MAGI2: variants seen among roughly 807,000 people sequenced by gnomAD.
MAGI2 encodes membrane-associated guanylate kinase, WW and PDZ domain-containing protein 2.
MAGI2 carries 35 observed loss-of-function variants against 133.3 expected under a neutral mutation model. The observed-to-expected ratio is 0.26, with a 90% CI of 0.20 to 0.35. MAGI2 has a LOEUF of 0.35. MAGI2 is among the 10% of genes least tolerant of loss of function. The pLI, the probability that MAGI2 is intolerant of heterozygous loss-of-function variation, is 1.00. For missense variants in MAGI2, 1,636 were observed against 1,863.4 expected (o/e 0.88, Z 2.25); for synonymous variants, 729 against 710.6 (o/e 1.03, Z -0.41).
intron 1 of MAGI2, among the ~76,000 whole-genome samples, chr7:79,423,304 T>A (rs1847108561): frequency 1.3e-5 from 2 of 152,062 alleles, no homozygotes; most frequent in African/African-American, 4.8e-5. Context: ...AACATCTCTG[T>A]TTTAGAGATA....
intron 3 of MAGI2, among the ~76,000 whole-genome samples, chr7:78,560,558 T>TA (rs1451980375): frequency 6.6e-6 from 1 of 152,226 alleles, no homozygotes; most frequent in African/African-American, 2.4e-5. Flanking sequence ...TTTTTAAAAT[T>TA]ATGTTTAAAA....
chr7:79,305,409 T>C (rs1837710163), intron 1 of MAGI2, among the ~76,000 whole-genome samples: 2 of 152,154 alleles, frequency 1.3e-5, no homozygotes, highest in African/African-American at 2.4e-5. Context: ...GTATAACACT[T>C]GAAGTGGTAT....
At chr7:78,500,165 C>T (rs945579587) in intron 5 of MAGI2, among the ~76,000 whole-genome samples, 2 of 152,116 alleles carry the variant, frequency 1.3e-5, no homozygotes, top group African/African-American at 4.8e-5. Context: ...GTCCCTTGGT[C>T]GCATGATTCA....
At chr7:79,245,792 A>G (rs966263103) in intron 1 of MAGI2, among the ~76,000 whole-genome samples, 7 of 152,198 alleles carry the variant, frequency 4.6e-5, no homozygotes, top group Admixed American at 3.9e-4. Context: ...AAACACAGCC[A>G]GTCAGCAATT....
intron 21 of MAGI2, among the ~76,000 whole-genome samples, chr7:78,040,765 C>T (rs954179824): frequency 6.6e-6 from 1 of 152,200 alleles, no homozygotes; most frequent in Admixed American, 6.5e-5. Context: ...ACATTTACAT[C>T]ATTCTCTATT....
At chr7:78,963,476 C>T (rs578099807) in intron 2 of MAGI2, among the ~76,000 whole-genome samples, 1 of 151,968 alleles carries the variant, frequency 6.6e-6, no homozygotes, top group African/African-American at 2.4e-5. Flanking sequence ...AAACATAGCA[C>T]CATTTCTTTC....
intron 21 of MAGI2, among the ~76,000 whole-genome samples, chr7:78,075,376 CTT>C (rs34396344): frequency 1.3e-4 from 17 of 126,456 alleles, no homozygotes; most frequent in Admixed American, 8.2e-5. Flanking sequence ...TGTAATAAAT[CTT>C]TTTTTTTTTT....
At chr7:79,125,307 A>G (rs1213552451) in intron 1 of MAGI2, 1 of 463,206 alleles carries the variant, frequency 2.2e-6, no homozygotes, top group Non-Finnish European at 4.2e-6. Context: ...TGCTTCATCT[A>G]GCCAGAGGTT....
At chr7:78,347,245 AGGAG>A (rs1791015962) in intron 7 of MAGI2, 2 of 152,368 alleles carry the variant, frequency 1.3e-5, no homozygotes, top group Non-Finnish European at 1.5e-5. Flanking sequence ...CAGAAAGGAA[AGGAG>A]ACAGAAGCAG....
At chr7:79,160,359 T>G (rs1824235064) in intron 1 of MAGI2, among the ~76,000 whole-genome samples, 1 of 152,006 alleles carries the variant, frequency 6.6e-6, no homozygotes, top group Non-Finnish European at 1.5e-5. Context: ...CAACAAAAGT[T>G]AATTCTAAGC....
chr7:78,182,047 T>G (rs939936644), intron 13 of MAGI2, among the ~76,000 whole-genome samples: 3 of 152,202 alleles, frequency 2.0e-5, no homozygotes, highest in Non-Finnish European at 4.4e-5. Context: ...AACATGTCAA[T>G]TAAAATTTGG....
At chr7:79,320,603 AG>A (rs1839107922) in intron 1 of MAGI2, among the ~76,000 whole-genome samples, 1 of 152,182 alleles carries the variant, frequency 6.6e-6, no homozygotes, top group Non-Finnish European at 1.5e-5. Flanking sequence ...TTTCAAGTTA[AG>A]TTAAAACAAA....
intron 20 of MAGI2, among the ~76,000 whole-genome samples, chr7:78,120,585 A>G (rs1185454762): frequency 6.6e-6 from 1 of 152,230 alleles, no homozygotes; most frequent in Non-Finnish European, 1.5e-5. Flanking sequence ...GGGATAGACA[A>G]ATAGACTAGT....
At chr7:78,335,727 C>T (rs539125762) in intron 9 of MAGI2, among the ~76,000 whole-genome samples, 63 of 152,218 alleles carry the variant, frequency 4.1e-4, no homozygotes, top group African/African-American at 1.4e-3. Context: ...AACATGATGA[C>T]ACTTTTGGGG....
At chr7:78,334,770 A>G (rs1273773783) in intron 9 of MAGI2, among the ~76,000 whole-genome samples, 2 of 152,198 alleles carry the variant, frequency 1.3e-5, no homozygotes, top group Non-Finnish European at 2.9e-5. Flanking sequence ...TAACAGACTG[A>G]ACACACATCT....
chr7:78,233,569 G>T (rs1429322767), intron 10 of MAGI2, among the ~76,000 whole-genome samples: 1 of 152,100 alleles, frequency 6.6e-6, no homozygotes, highest in Non-Finnish European at 1.5e-5. Context: ...CCCATACTTG[G>T]ATAATCTTTC....
At chr7:78,864,327 A>G (rs905018659) in intron 2 of MAGI2, among the ~76,000 whole-genome samples, 1 of 152,200 alleles carries the variant, frequency 6.6e-6, no homozygotes, top group Non-Finnish European at 1.5e-5. Context: ...TTACACGTAT[A>G]CCATTCTACA....
At chr7:79,163,261 T>C (rs975425898) in intron 1 of MAGI2, among the ~76,000 whole-genome samples, 1 of 152,074 alleles carries the variant, frequency 6.6e-6, no homozygotes, top group Admixed American at 6.6e-5. Flanking sequence ...CGATAACCTC[T>C]GCCTCCCAGG....
chr7:78,315,177 C>G (rs1226142438), intron 9 of MAGI2, among the ~76,000 whole-genome samples: 1 of 152,132 alleles, frequency 6.6e-6, no homozygotes, highest in Non-Finnish European at 1.5e-5. Context: ...TTGACTCCCA[C>G]TTGGAATTAA....
Sources: allele counts gnomAD v4.1 joint callset (sites outside exome capture counted in the v4.1 genomes callset), GRCh38; gene constraint gnomAD v4.1.1; transcripts MANE v1.5; gene names NCBI Gene and HGNC (gene_info 2026-07-23, HGNC 2026-07-21).